Variants in LOC400499 observed in about 807,000 individuals in gnomAD.
At chr16:11,409,841 C>G in the LOC400499 span, among the ~76,000 whole-genome samples, 3 of 151,006 alleles carry the variant, frequency 2.0e-5, no homozygotes, top group Admixed American at 2.0e-4. Context: ...CTTAATGATA[C>G]AGAAAAAATG....
chr16:11,461,365 G>T, the LOC400499 span, among the ~76,000 whole-genome samples: 8 of 152,124 alleles, frequency 5.3e-5, no homozygotes, highest in African/African-American at 1.7e-4. Flanking sequence ...AACTACAGAC[G>T]TGTGCCACCA....
chr16:11,474,882 C>A, the LOC400499 span, among the ~76,000 whole-genome samples: 1 of 152,012 alleles, frequency 6.6e-6, no homozygotes. Context: ...AATAAAAGTA[C>A]AATATCGGGA....
chr16:11,518,466 A>G, the LOC400499 span, among the ~76,000 whole-genome samples: 6 of 152,022 alleles, frequency 3.9e-5, no homozygotes, highest in Non-Finnish European at 8.8e-5. Flanking sequence ...GGGGAGGGGA[A>G]AAGGCAGACC....
chr16:11,397,889 GGAT>G, the LOC400499 span, among the ~76,000 whole-genome samples: 1 of 152,006 alleles, frequency 6.6e-6, no homozygotes, highest in Admixed American at 6.6e-5. Flanking sequence ...AGATATACGG[GGAT>G]GGATGGAAGA....
chr16:11,456,980 G>C, the LOC400499 span: 59 of 1,535,974 alleles, frequency 3.8e-5, no homozygotes, highest in Non-Finnish European at 5.1e-5. Flanking sequence ...GCAGGCGGAG[G>C]CTCAAGTGGT....
the LOC400499 span, among the ~76,000 whole-genome samples, chr16:11,520,494 TA>T: frequency 1.4e-4 from 22 of 152,056 alleles, no homozygotes; most frequent in Non-Finnish European, 3.1e-4. Flanking sequence ...TCATCTCTAC[TA>T]AAAGTACAAA....
the LOC400499 span, among the ~76,000 whole-genome samples, chr16:11,374,384 T>C: frequency 7.2e-5 from 11 of 152,366 alleles, no homozygotes; most frequent in African/African-American, 1.4e-4. Context: ...CATTTTAAAG[T>C]ACACAATTCA....
At chr16:11,500,990 C>T in the LOC400499 span, 2 of 398,890 alleles carry the variant, frequency 5.0e-6, no homozygotes, top group African/African-American at 4.1e-5. Flanking sequence ...CAAGGCGACC[C>T]ACACGTGCTG....
At chr16:11,398,924 G>A in the LOC400499 span, among the ~76,000 whole-genome samples, 1 of 152,182 alleles carries the variant, frequency 6.6e-6, no homozygotes. Flanking sequence ...GATTACAGGT[G>A]TGATTCGCCA....
chr16:11,461,035 C>G, the LOC400499 span: 2 of 1,536,118 alleles, frequency 1.3e-6, no homozygotes, highest in Non-Finnish European at 1.7e-6. Context: ...GCCAAGGGCA[C>G]GAAGCCCCAC....
the LOC400499 span, chr16:11,462,282 C>T: frequency 3.3e-6 from 5 of 1,507,450 alleles, no homozygotes; most frequent in African/African-American, 6.9e-5. Context: ...CCACCCATGG[C>T]TGGCTGCAGG....
chr16:11,414,270 G>C, the LOC400499 span: 2 of 398,982 alleles, frequency 5.0e-6, no homozygotes, highest in African/African-American at 2.1e-5. Flanking sequence ...CACACAGCGG[G>C]TCCTCTGCAC....
chr16:11,386,081 A>T, the LOC400499 span, among the ~76,000 whole-genome samples: 1 of 152,190 alleles, frequency 6.6e-6, no homozygotes, highest in Non-Finnish European at 1.5e-5. Flanking sequence ...ATCTCAATGA[A>T]GCTGCTGGCG....
the LOC400499 span, among the ~76,000 whole-genome samples, chr16:11,419,008 A>G: frequency 6.6e-6 from 1 of 152,208 alleles, no homozygotes; most frequent in Admixed American, 6.5e-5. Context: ...TCTACTAAAA[A>G]TACAAAAATT....
chr16:11,473,711 C>T, the LOC400499 span, among the ~76,000 whole-genome samples: 1 of 151,046 alleles, frequency 6.6e-6, no homozygotes, highest in Non-Finnish European at 1.5e-5. Context: ...GCCGAGACCG[C>T]ACCATTGCAC....
the LOC400499 span, chr16:11,487,411 T>G: frequency 5.0e-6 from 2 of 398,652 alleles, no homozygotes; most frequent in Non-Finnish European, 8.8e-6. Context: ...AGAACATCAG[T>G]ACACTCTGTA....
the LOC400499 span, chr16:11,493,705 C>G: frequency 2.5e-6 from 1 of 397,134 alleles, no homozygotes; most frequent in Non-Finnish European, 4.4e-6. Context: ...CTCGGGTGTG[C>G]TGCTTCTCAG....
chr16:11,390,833 G>A, the LOC400499 span, among the ~76,000 whole-genome samples: 1 of 152,176 alleles, frequency 6.6e-6, no homozygotes, highest in Non-Finnish European at 1.5e-5. Flanking sequence ...GCACCTGCCA[G>A]TGTGGCAGCC....
chr16:11,470,065 G>GT, the LOC400499 span, among the ~76,000 whole-genome samples: 531 of 151,838 alleles, frequency 3.5e-3, 5 homozygotes, highest in African/African-American at 0.011. Context: ...AACAAGCCCA[G>GT]TTTTTTTTTG....
Sources: gnomAD v4.1 joint callset for allele counts (sites outside exome capture counted in the v4.1 genomes callset) on GRCh38, gnomAD v4.1.1 for gene constraint, MANE v1.5 for transcripts.